ZNF407: variants seen among roughly 807,000 people sequenced by gnomAD.
ZNF407 encodes the protein zinc finger protein 407.
A neutral mutation model predicts 131.2 loss-of-function variants in ZNF407; 17 were observed. The ratio of observed to expected loss-of-function variants is 0.13; its 90% confidence interval spans 0.09 to 0.19. The LOEUF (loss-of-function observed/expected upper bound fraction) is 0.19, where lower values mean the gene tolerates loss of function less well. Ranked by LOEUF, ZNF407 falls within the 10% of genes least tolerant of loss-of-function variation. The pLI, the probability that ZNF407 is intolerant of heterozygous loss-of-function variation, is 1.00. For missense variants in ZNF407, 2,681 were observed against 2,830.6 expected (o/e 0.95, Z 1.20); for synonymous variants, 1,156 against 1,062.0 (o/e 1.09, Z -1.72).
chr18:74,934,490 C>T (rs1972017052), intron 8 of ZNF407, among the ~76,000 whole-genome samples: 5 of 152,120 alleles, frequency 3.3e-5, no homozygotes, highest in Admixed American at 2.6e-4. Flanking sequence ...AATCCTTTTG[C>T]ATCTTGGAGT....
intron 8 of ZNF407, among the ~76,000 whole-genome samples, chr18:74,990,880 G>A (rs940976346): frequency 9.2e-5 from 14 of 152,166 alleles, no homozygotes; most frequent in African/African-American, 3.1e-4. Flanking sequence ...GAACTCGTGG[G>A]GAAGGGGAAG....
At chr18:74,836,851 C>T (rs1226436343) in intron 4 of ZNF407, among the ~76,000 whole-genome samples, 4 of 152,164 alleles carry the variant, frequency 2.6e-5, no homozygotes, top group Non-Finnish European at 5.9e-5. Context: ...GTAACTTGCT[C>T]AGAGCCACAG....
At chr18:74,874,184 C>T (rs1334370499) in intron 4 of ZNF407, among the ~76,000 whole-genome samples, 1 of 152,060 alleles carries the variant, frequency 6.6e-6, no homozygotes, top group Non-Finnish European at 1.5e-5. Flanking sequence ...ATTTTCTGGG[C>T]CGTAAGAACA....
At chr18:74,936,681 G>A (rs4891201) in intron 8 of ZNF407, among the ~76,000 whole-genome samples, 19,482 of 152,220 alleles carry the variant, frequency 0.13, 1,517 homozygotes, top group Admixed American at 0.25. Context: ...AACCTATACC[G>A]AAAGAATTCT....
At chr18:75,014,949 C>A (rs1272774811) in intron 8 of ZNF407, among the ~76,000 whole-genome samples, 1 of 151,976 alleles carries the variant, frequency 6.6e-6, no homozygotes, top group Admixed American at 6.6e-5. Flanking sequence ...GTTCTAAGAA[C>A]TGAAACAAAT....
rs923391134 is a variant in ZNF407, at chr18:74,703,168, T to C, written c.4802+62046T>C. 3.3e-5 allele frequency among the ~76,000 whole-genome samples: 5 copies of C among 152,222 alleles called. No homozygotes were observed. Among genetic ancestry groups the C allele is most frequent in the African/African-American group, 1.2e-4 (5 of 41,472 alleles). On this transcript the variant is annotated intron_variant, in intron 3 of 8. Transcript: ENST00000299687. This position sits in a 1 kb window ranked among gnomAD's most constrained non-coding sequence, Gnocchi z 4.1. ...CAGAGAGGCGAGGTGGTGTGAGAGC[T>C]ACAAGTGACTGCTGCTTGTAGCAGC...
At chr18:74,926,545 T>C (rs911966124) in intron 8 of ZNF407, among the ~76,000 whole-genome samples, 8 of 152,220 alleles carry the variant, frequency 5.3e-5, no homozygotes, top group East Asian at 1.9e-4. Flanking sequence ...GGCTCACGCC[T>C]GTAATCCCAG....
chr18:74,884,994 T>A (rs1285928277), intron 6 of ZNF407, among the ~76,000 whole-genome samples: 1 of 152,180 alleles, frequency 6.6e-6, no homozygotes, highest in Non-Finnish European at 1.5e-5. Context: ...TGAGTTTTAA[T>A]GCCAAAACAT....
At chr18:74,845,826 A>C (rs1323438019) in intron 4 of ZNF407, among the ~76,000 whole-genome samples, 1 of 152,200 alleles carries the variant, frequency 6.6e-6, no homozygotes, top group East Asian at 1.9e-4. Flanking sequence ...TCCATTCATA[A>C]TTGAAGATTG....
At position 74,840,801 on chromosome 18, in the gene ZNF407, G is replaced by T. The variant is rs538005590; in HGVS notation, c.4878-36396G>T. Among the ~76,000 whole-genome samples, 17 of 152,274 alleles carry T rather than the reference G, an allele frequency of 1.1e-4. 1 individual carries two copies. Among genetic ancestry groups the T allele is most frequent in the African/African-American group, 4.1e-4 (17 of 41,564 alleles). On this transcript the variant is annotated intron_variant, in intron 4 of 8. Coordinates refer to ENST00000299687, the MANE Select transcript of ZNF407 (RefSeq NM_017757.3). ...CATCCTATCTATCATGTTCAAAATAGATTCTGAATTTTATAGCTTCTCATC... is the reference window on the plus strand; with the variant it reads ...CATCCTATCTATCATGTTCAAAATATATTCTGAATTTTATAGCTTCTCATC...
chr18:74,623,985 C>T (rs1983678546), intron 1 of ZNF407, among the ~76,000 whole-genome samples: 1 of 152,150 alleles, frequency 6.6e-6, no homozygotes, highest in Admixed American at 6.5e-5. Flanking sequence ...TTTAATAACA[C>T]ATCCATTATT....
chr18:74,754,341 T>G (rs1300867562), intron 3 of ZNF407, among the ~76,000 whole-genome samples: 1 of 152,062 alleles, frequency 6.6e-6, no homozygotes, highest in African/African-American at 2.4e-5. Flanking sequence ...TTGTGTCTCT[T>G]ATTTCCTTCA....
At chr18:75,009,149 A>G (rs1387518643) in intron 8 of ZNF407, among the ~76,000 whole-genome samples, 2 of 152,166 alleles carry the variant, frequency 1.3e-5, no homozygotes, top group Admixed American at 6.5e-5. Flanking sequence ...CAAAAATACT[A>G]TCTCTCACCA....
chr18:74,844,407 G>T (rs1970675368), intron 4 of ZNF407, among the ~76,000 whole-genome samples: 1 of 152,174 alleles, frequency 6.6e-6, no homozygotes, highest in East Asian at 1.9e-4. Flanking sequence ...ATTGCATTTT[G>T]TTCTCCTTTG....
intron 8 of ZNF407, among the ~76,000 whole-genome samples, chr18:74,950,584 A>G (rs1972202581): frequency 6.6e-6 from 1 of 152,206 alleles, no homozygotes; most frequent in African/African-American, 2.4e-5. Flanking sequence ...CACTGATACA[A>G]TTGTTCTACC....
intron 3 of ZNF407, among the ~76,000 whole-genome samples, chr18:74,680,400 T>TA (rs11404762): frequency 0.76 from 104,011 of 137,570 alleles, 39,193 homozygotes; most frequent in East Asian, 0.88. Context: ...GACCTTGCCT[T>TA]AAAAAAAAAA....
Position 74,634,761 on chromosome 18 carries a change from C to T in ZNF407, c.3742C>T (p.His1248Tyr), listed in dbSNP as rs770629119. 17 of 1,614,024 alleles carry T rather than the reference C, an allele frequency of 1.1e-5. No homozygotes were observed. The highest frequency in any genetic ancestry group is 1.4e-5 in the Non-Finnish European group (17 of 1,179,906). ...CGGTGGAGGTGTTGTCCCCCACAGA[C>T]ACCTGTGCCCTGTGACGCTCGATGG... is the stretch of plus-strand genomic sequence containing the variant. ...GDGGGVVPHR[H>Y]LCPVTLDGER... Residue 1248 changes from histidine (H) to tyrosine (Y), a missense_variant, in exon 2 of 9, where the codon CAC (histidine) becomes TAC (tyrosine). Physicochemically the swap from His to Tyr is moderately conservative, Grantham distance 83. This residue lies in a region of ZNF407 where 1,789 missense variants were observed against 1,748.7 expected (regional missense o/e 1.02). Transcript: ENST00000299687.
Position 74,946,640 on chromosome 18 carries a change from CTTT to C in ZNF407, c.5428+25952_5428+25954del, listed in dbSNP as rs1568279304. Among the ~76,000 whole-genome samples the C allele has an allele frequency of 2.0e-5, 3 of 152,158 alleles. No homozygotes were observed. The East Asian group carries it at 5.8e-4, about 29-fold the overall frequency. On this transcript the variant is annotated intron_variant, in intron 8 of 8. Transcript: ENST00000299687. ...TTTAGAACAATTTATATTTGTCTTT[CTTT>C]TTTCTTTCTTAGATTGAAACTGAAA...
At chr18:74,640,953 C>A in intron 2 of ZNF407, 55 bp from the exon 3 acceptor site, 2 of 1,292,572 alleles carry the variant, frequency 1.5e-6, no homozygotes, top group Non-Finnish European at 2.2e-6. Context: ...CTTTTCTAAG[C>A]TATTGGTGAT....
Sources: allele counts gnomAD v4.1 joint callset (sites outside exome capture counted in the v4.1 genomes callset), GRCh38; gene constraint gnomAD v4.1.1; regional missense constraint gnomAD v4.1.1; non-coding constraint Gnocchi (gnomAD v3.1); transcripts MANE v1.5; gene names NCBI Gene and HGNC (gene_info 2026-07-23, HGNC 2026-07-21).